The following TCEANC2 variants were observed in gnomAD, a reference collection of about 807,000 sequenced individuals.
TCEANC2 encodes the protein transcription elongation factor A N-terminal and central domain-containing protein 2.
Under a neutral mutation model 22.8 loss-of-function variants are expected in TCEANC2, and 20 were observed. The observed-to-expected ratio is 0.88, with a 90% CI of 0.62 to 1.28. TCEANC2 has a LOEUF of 1.28. TCEANC2 is among the 50% of genes most tolerant of loss of function. The pLI is 0.00. For missense variants in TCEANC2, 251 were observed against 249.7 expected (o/e 1.01, Z -0.03); for synonymous variants, 84 against 95.5 (o/e 0.88, Z 0.70).
At position 54,096,626 on chromosome 1, in the gene TCEANC2, C is replaced by T; in HGVS notation, c.*153C>T. The T allele has an allele frequency of 2.2e-6, 3 of 1,373,690 alleles. No homozygotes were observed. 85.1% of individuals were successfully genotyped at this position (1,373,690 alleles called of 1,614,324 possible). A position where few individuals can be genotyped will look rare whatever the true frequency, so the allele number is the denominator to read the frequency against. On this transcript the variant is annotated 3_prime_UTR_variant, in exon 5 of 5. Coordinates refer to ENST00000234827, the MANE Select transcript of TCEANC2 (RefSeq NM_153035.3). The surrounding 1 kb of genome is among the most constrained non-coding windows in gnomAD (Gnocchi z 4.9). ...CTTTGCAGACAGAGGATTCGGAGAG[C>T]CCTAGGAGACAGGCCTGCAGGAATG... is the stretch of plus-strand genomic sequence containing the variant.
At chr1:54,108,777 C>T (rs1269327380), downstream of TCEANC2, among the ~76,000 whole-genome samples, 1 of 151,952 alleles carries the variant, frequency 6.6e-6, no homozygotes, top group Non-Finnish European at 1.5e-5. Flanking sequence ...TTGGGACCAT[C>T]CTGGCTAACA....
At chr1:54,111,246 T>A (rs1658834366) in exon 5 of TCEANC2, 1 of 152,220 alleles carries the variant, frequency 6.6e-6, no homozygotes, top group Non-Finnish European at 1.5e-5. Flanking sequence ...GAAGAGCTAA[T>A]CCCAAGCGTG....
downstream of TCEANC2, among the ~76,000 whole-genome samples, chr1:54,106,262 A>G (rs1658752878): frequency 6.6e-6 from 1 of 152,252 alleles, no homozygotes; most frequent in Non-Finnish European, 1.5e-5. Flanking sequence ...TAAATTGTAC[A>G]TCCAGATTTT....
rs1245157767 is a variant in TCEANC2 at position 54,096,245 on chromosome 1, C to A, written c.439-40C>A. 6.4e-7 allele frequency: 1 copy of A among 1,557,676 alleles called. No individual in the cohort carries two copies. Among genetic ancestry groups the A allele is most frequent in the African/African-American group, 1.4e-5 (1 of 73,596 alleles). On this transcript the variant is annotated intron_variant, in intron 4 of 4. Coordinates refer to ENST00000234827, the MANE Select transcript of TCEANC2 (RefSeq NM_153035.3). The surrounding 1 kb of genome is among the most constrained non-coding windows in gnomAD (Gnocchi z 4.9). ...GCCTCTCTTGCTTTTAATCCTTACG[C>A]AATGTAAGGCTCTAATTTGATAATT...
At chr1:54,106,105 T>A (rs75187197), downstream of TCEANC2, 5,327 of 152,314 alleles carry the variant, frequency 0.035, 116 homozygotes, top group Middle Eastern at 0.054. Flanking sequence ...TGCATTTGGT[T>A]CATGGGCCTT....
At position 54,069,767 on chromosome 1, in the gene TCEANC2, C is replaced by T. The variant is rs79569092; in HGVS notation, c.244+870C>T. On this transcript the variant is annotated intron_variant, in intron 3 of 4. Transcript: ENST00000234827. ...ATACTGGGGACTTCAGAAAAGGCTT[C>T]ATAGAAGAGGTGACATTTCAGTTAC... is the stretch of plus-strand genomic sequence containing the variant. Among the ~76,000 whole-genome samples the T allele has an allele frequency of 2.6e-3, 392 of 152,194 alleles. 3 individuals are homozygous for T. In the East Asian group the frequency reaches 0.036, roughly 14 times the overall value.
intron 4 of TCEANC2, among the ~76,000 whole-genome samples, chr1:54,095,488 C>A (rs1420427125): frequency 6.6e-6 from 1 of 152,122 alleles, no homozygotes; most frequent in African/African-American, 2.4e-5. Flanking sequence ...TCCCAACCTA[C>A]CCTGGATTCA....
chr1:54,075,276 C>G (rs1488835186), intron 3 of TCEANC2, among the ~76,000 whole-genome samples: 1 of 152,088 alleles, frequency 6.6e-6, no homozygotes, highest in African/African-American at 2.4e-5. Context: ...AAGGGATGTA[C>G]AAAGGTCTGT....
At chr1:54,055,544 T>C (rs1657736895) in intron 2 of TCEANC2, among the ~76,000 whole-genome samples, 1 of 152,264 alleles carries the variant, frequency 6.6e-6, no homozygotes, top group African/African-American at 2.4e-5. Flanking sequence ...TGTCACATTT[T>C]ATGTATTTGG....
chr1:54,111,696 T>A (rs148225874), exon 5 of TCEANC2: 128 of 152,318 alleles, frequency 8.4e-4, no homozygotes, highest in African/African-American at 3.1e-3. Context: ...GCAGATAGTA[T>A]CACCATCCTC....
rs139672865 is a variant in TCEANC2, at chr1:54,054,509, G to A, written c.87G>A (p.Thr29=). ...GAGGAAAGGTTTACAAGCAGGCCAC[G>A]ATTGAATCTCTGAAGGTGAGAGGGG... ...DSGGKVYKQA[T]IESLKRVVVV... The change falls in exon 2 of 5, where the codon ACG becomes ACA. Residue 29 remains threonine, a synonymous_variant. Transcript: ENST00000234827. 1.2e-6 allele frequency: 2 copies of A among 1,613,168 alleles called. No individual in the cohort carries two copies. Among genetic ancestry groups the A allele is most frequent in the South Asian group, 1.1e-5 (1 of 90,926 alleles).
At position 54,103,207 on chromosome 1, in the gene TCEANC2, T is replaced by C. The variant is rs531977099; in HGVS notation, c.*6734T>C. ...CCCCAGAGCTGACACAATGGGTGTA[T>C]AAACAGCAACCATGGTGGTGTAGTA... On this transcript the variant is annotated 3_prime_UTR_variant, in exon 5 of 5. Coordinates refer to ENST00000234827, the MANE Select transcript of TCEANC2 (RefSeq NM_153035.3). The C allele has an allele frequency of 9.8e-5, 15 of 152,332 alleles. No individual in the cohort carries two copies. In the East Asian group the frequency reaches 2.7e-3, roughly 27 times the overall value. The allele number at this position is 152,332 out of a possible 1,614,324, so 9.4% of individuals were successfully genotyped here. A position where few individuals can be genotyped will look rare whatever the true frequency, so the allele number is the denominator to read the frequency against.
At chr1:54,066,223 C>T (rs1436339802) in intron 2 of TCEANC2, among the ~76,000 whole-genome samples, 2 of 151,760 alleles carry the variant, frequency 1.3e-5, no homozygotes, top group Admixed American at 1.3e-4. Flanking sequence ...TGCACCCAGC[C>T]TGTGCAACAG....
chr1:54,092,342 A>G (rs1393778329), intron 4 of TCEANC2, among the ~76,000 whole-genome samples: 1 of 152,242 alleles, frequency 6.6e-6, no homozygotes, highest in Non-Finnish European at 1.5e-5. Flanking sequence ...GTATCAACAC[A>G]TAAAGTGCAG....
At chr1:54,110,365 G>A (rs1055344423), downstream of TCEANC2, among the ~76,000 whole-genome samples, 28 of 152,160 alleles carry the variant, frequency 1.8e-4, no homozygotes, top group African/African-American at 3.9e-4. Flanking sequence ...TTAGGAAGCC[G>A]AGGTGGGAGG....
In TCEANC2 at chr1:54,099,320, A is replaced by G. The variant is rs1039068900; in HGVS notation, c.*2847A>G. The G allele has an allele frequency of 6.6e-6, 1 of 152,244 alleles. No homozygotes were observed. The highest frequency in any genetic ancestry group is 6.5e-5 in the Admixed American group (1 of 15,286). The allele number at this position is 152,244 out of a possible 1,614,324, so 9.4% of individuals were successfully genotyped here. A position where few individuals can be genotyped will look rare whatever the true frequency, so the allele number is the denominator to read the frequency against. On this transcript the variant is annotated 3_prime_UTR_variant, in exon 5 of 5. Transcript: ENST00000234827. ...TTTGTGGCTGTTTTCTCCTTGATGC[A>G]TGTGCAGAATTTCCATGAACGCTAA...
chr1:54,058,935 G>A (rs149683351), intron 2 of TCEANC2, among the ~76,000 whole-genome samples: 5,125 of 152,222 alleles, frequency 0.034, 108 homozygotes, highest in Middle Eastern at 0.054. Context: ...GATTACAGGC[G>A]TGAGCCACTG....
In TCEANC2 at chr1:54,088,602, A is replaced by T; in HGVS notation, c.250A>T (p.Thr84Ser). 8.1e-6 allele frequency: 13 copies of T among 1,599,638 alleles called. No individual in the cohort carries two copies. The highest frequency in any genetic ancestry group is 8.5e-6 in the Non-Finnish European group (10 of 1,175,848). The change falls in exon 4 of 5, where the codon ACT becomes TCT. Residue 84 changes from threonine to serine, a missense_variant. Thr to Ser is a moderately conservative substitution (Grantham distance 58, BLOSUM62 1). Coordinates refer to ENST00000234827, the MANE Select transcript of TCEANC2 (RefSeq NM_153035.3). The stretch of plus-strand genomic sequence containing the variant: ...TTTTTCTCTTCCTGTTCCAGGTCAC[A>T]CTGTGAACAAGATGCGTAAACACTC... ...EVLKSTRIGH[T>S]VNKMRKHSDS...
intron 2 of TCEANC2, among the ~76,000 whole-genome samples, chr1:54,062,514 A>C (rs1657877459): frequency 6.6e-6 from 1 of 152,232 alleles, no homozygotes; most frequent in Non-Finnish European, 1.5e-5. Flanking sequence ...CCTACTGTGC[A>C]CTGGGGATAG....
Sources: allele counts gnomAD v4.1 joint callset (sites outside exome capture counted in the v4.1 genomes callset), GRCh38; gene constraint gnomAD v4.1.1; non-coding constraint Gnocchi (gnomAD v3.1); transcripts MANE v1.5; gene names NCBI Gene and HGNC (gene_info 2026-07-23, HGNC 2026-07-21).